Variants in HNRNPUL2 observed in about 807,000 individuals in gnomAD.
HNRNPUL2 encodes the protein heterogeneous nuclear ribonucleoprotein U-like protein 2.
HNRNPUL2 carries 27 observed loss-of-function variants against 102.2 expected under a neutral mutation model. The ratio of observed to expected loss-of-function variants is 0.26; its 90% CI spans 0.19 to 0.36. The LOEUF (loss-of-function observed/expected upper bound fraction) is 0.36. Among genes scored for constraint, HNRNPUL2 ranks in the 10% least tolerant of loss-of-function variants. HNRNPUL2 has a pLI of 1.00. For synonymous variants in HNRNPUL2, 458 were observed against 387.2 expected, an observed-to-expected ratio of 1.18 and a Z score of -2.15; for missense variants, 936 against 981.1, an observed-to-expected ratio of 0.95 and a Z score of 0.61.
Position 62,726,747 on chromosome 11 carries a change from C to T in HNRNPUL2, c.410G>A (p.Gly137Glu), listed in dbSNP as rs745511216. ...TTCGCCACCATTTACCCCGCCTGACCCGGCCGTGGCCTCCGCCGGCTTCTC... is the reference window on the plus strand; with the variant it reads ...TTCGCCACCATTTACCCCGCCTGACTCGGCCGTGGCCTCCGCCGGCTTCTC... ...ASEKPAEATAGSGGVNGGEEQ... is the reference protein window; with the variant it reads ...ASEKPAEATAESGGVNGGEEQ... Residue 137 changes from glycine to glutamate, a missense_variant, in exon 1 of 14, where the codon GGG (glycine) becomes GAG (glutamate). Coordinates refer to ENST00000301785, the MANE Select transcript of HNRNPUL2 (RefSeq NM_001079559.3). The T allele has an allele frequency of 4.9e-5, 79 of 1,601,100 alleles. 1 individual carries two copies. The South Asian group carries it at 8.1e-4, about 16-fold the overall frequency.
rs1178739948 is a variant in HNRNPUL2 at position 62,726,924 on chromosome 11, T to A, written c.233A>T (p.Asp78Val). The change falls in exon 1 of 14, where the codon GAC (aspartate) becomes GTC (valine). Residue 78 changes from aspartate (D) to valine (V), a missense_variant. Asp to Val is a radical substitution (Grantham distance 152). Transcript: ENST00000301785. ...GGGPGGDEEE[D>V]EEEEEEDEEA... ...CTCGTCCTCCTCCTCCTCCTCTTCG[T>A]CCTCCTCCTCGTCCCCGCCCGGGCC... The A allele has an allele frequency of 6.6e-7, 1 of 1,518,782 alleles. No homozygotes were observed. Among genetic ancestry groups the A allele is most frequent in the Admixed American group, 2.0e-5 (1 of 49,142 alleles). 94.1% of individuals were successfully genotyped at this position (1,518,782 alleles called of 1,614,324 possible).
Position 62,726,711 on chromosome 11 carries a change from A to T in HNRNPUL2, c.446T>A (p.Leu149His), listed in dbSNP as rs2083752241. ...GGVNGGEEQG[L>H]GKREEDEPEE... Reference sequence around the variant, plus strand: ...GGGTTCGTCTTCCTCCCTCTTGCCGAGGCCCTGCTCTTCGCCACCATTTAC... The same window carrying T: ...GGGTTCGTCTTCCTCCCTCTTGCCGTGGCCCTGCTCTTCGCCACCATTTAC... Residue 149 changes from leucine to histidine, a missense_variant, in exon 1 of 14, where the codon CTC becomes CAC. By Grantham distance (99) the Leu-to-His change is moderately conservative. Coordinates refer to ENST00000301785, the MANE Select transcript of HNRNPUL2 (RefSeq NM_001079559.3). The T allele has an allele frequency of 6.2e-7, 1 of 1,600,458 alleles. No individual in the cohort carries two copies. Among genetic ancestry groups the T allele is most frequent in the Non-Finnish European group, 8.5e-7 (1 of 1,179,534 alleles).
intron 10 of HNRNPUL2, among the ~76,000 whole-genome samples, chr11:62,718,923 T>A (rs2083680256): frequency 6.6e-6 from 1 of 151,554 alleles, no homozygotes; most frequent in Non-Finnish European, 1.5e-5. Flanking sequence ...CCACCTAGGT[T>A]CAAGCAATTC....
At chr11:62,716,026 G>T in intron 11 of HNRNPUL2, 89 bp from the exon 12 acceptor site, 1 of 972,616 alleles carries the variant, frequency 1.0e-6, no homozygotes, top group Non-Finnish European at 1.5e-6. Flanking sequence ...GGAGCCAAAG[G>T]CAATTCTGGG....
Position 62,721,162 on chromosome 11 carries a change from A to C in HNRNPUL2, c.1611+133T>G, listed in dbSNP as rs544364314. ...AAAACACTAATTAGGGGTACCTCTG[A>C]GTTCAAAAAACATTGCAACCATAAC... On this transcript the variant is annotated intron_variant, in intron 9 of 13. Transcript: ENST00000301785. 32 of 783,678 alleles carry C rather than the reference A, an allele frequency of 4.1e-5. 1 individual carries two copies. In the South Asian group the frequency reaches 5.7e-4, roughly 14 times the overall value. 48.5% of individuals were successfully genotyped at this position (783,678 alleles called of 1,614,324 possible). A position where few individuals can be genotyped will look rare whatever the true frequency, so the allele number is the denominator to read the frequency against.
intron 1 of HNRNPUL2, 48 bp downstream of exon 1, chr11:62,726,570 AG>A: frequency 6.8e-7 from 1 of 1,472,570 alleles, no homozygotes; most frequent in Non-Finnish European, 9.0e-7. Context: ...GTGCTAGATC[AG>A]GGGCGCAGCC....
chr11:62,721,163 G>T, intron 9 of HNRNPUL2, 132 bp downstream of exon 9: 3 of 818,002 alleles, frequency 3.7e-6, no homozygotes, highest in Non-Finnish European at 5.8e-6. Flanking sequence ...GTACCTCTGA[G>T]TTCAAAAAAC....
At position 62,722,922 on chromosome 11, in the gene HNRNPUL2, G is replaced by A. The variant is rs1192700386; in HGVS notation, c.892-19C>T. 6.3e-7 allele frequency: 1 copy of A among 1,598,380 alleles called. No individual in the cohort carries two copies. Among genetic ancestry groups the A allele is most frequent in the African/African-American group, 1.3e-5 (1 of 74,688 alleles). On this transcript the variant is annotated intron_variant, in intron 4 of 13. Transcript: ENST00000301785. ...GGGTTACCTGGCCAAGTCAGAAAGG[G>A]AACTATTAGATATTGTGACCAACTG...
At chr11:62,726,095 T>C (rs2083743344) in intron 1 of HNRNPUL2, among the ~76,000 whole-genome samples, 1 of 152,198 alleles carries the variant, frequency 6.6e-6, no homozygotes, top group African/African-American at 2.4e-5. Context: ...GGCTCTCCCT[T>C]ACAGCTCAAA....
rs1391367174 is a variant in HNRNPUL2 at position 62,722,259 on chromosome 11, T to C, written c.1217A>G (p.Lys406Arg). 7 of 1,614,166 alleles carry C rather than the reference T, an allele frequency of 4.3e-6. No homozygotes were observed. Among genetic ancestry groups the C allele is most frequent in the Non-Finnish European group, 5.1e-6 (6 of 1,180,028 alleles). ...GAAGTTTAATTCTACAACACAATTT[T>C]TGCAGAGGACATGGGGTAGAAGGGC... ...DRALLPHVLC[K>R]NCVVELNFGQ... is the part of the protein sequence containing the mutation. The change falls in exon 7 of 14, where the codon AAA (lysine) becomes AGA (arginine). Residue 406 changes from lysine to arginine, a missense_variant. Lys to Arg is a conservative substitution (Grantham distance 26). Around this residue, in one of 2 missense-constraint regions of HNRNPUL2, gnomAD observed 609 missense variants for 713.0 expected, o/e 0.85. Transcript: ENST00000301785.
At chr11:62,725,290 C>A (rs1037808189) in intron 1 of HNRNPUL2, among the ~76,000 whole-genome samples, 1 of 152,178 alleles carries the variant, frequency 6.6e-6, no homozygotes, top group Non-Finnish European at 1.5e-5. Context: ...CTCCGCCTCC[C>A]GGGTTCAAGC....
chr11:62,720,274 G>C, intron 9 of HNRNPUL2, 83 bp from the exon 10 acceptor site: 1 of 1,338,752 alleles, frequency 7.5e-7, no homozygotes, highest in Non-Finnish European at 1.1e-6. Flanking sequence ...AGCTGGGCAC[G>C]GTGGCTCACG....
At chr11:62,721,719 T>G (rs1378590271) in intron 8 of HNRNPUL2, 101 bp downstream of exon 8, 8 of 1,344,576 alleles carry the variant, frequency 5.9e-6, no homozygotes, top group Non-Finnish European at 8.2e-6. Context: ...TCTCTATTTC[T>G]GGGACCCTTG....
chr11:62,715,425 G>C, intron 13 of HNRNPUL2, 46 bp from the exon 14 acceptor site: 1 of 1,591,668 alleles, frequency 6.3e-7, no homozygotes, highest in Non-Finnish European at 8.6e-7. Context: ...AGCTGGCTGA[G>C]GATGAAGAGG....
rs753427650 is a variant in HNRNPUL2 at position 62,726,877 on chromosome 11, C to A, written c.280G>T (p.Asp94Tyr). ...EDEEALLEDE[D>Y]EEPPPAQALG... is the part of the protein sequence containing the mutation. The stretch of plus-strand genomic sequence containing the variant: ...GCTTGAGCAGGGGGTGGCTCCTCGT[C>A]CTCGTCCTCAAGCAGCGCCTCCTCG... The change falls in exon 1 of 14, where the codon GAC becomes TAC. Residue 94 changes from aspartate (D) to tyrosine (Y), a missense_variant. By Grantham distance (160) the Asp-to-Tyr change is radical (BLOSUM62 -3). This residue lies in a region of HNRNPUL2 where 327 missense variants were observed against 268.1 expected (regional missense o/e 1.22). Transcript: ENST00000301785. 1.3e-6 allele frequency: 2 copies of A among 1,580,646 alleles called. No individual in the cohort carries two copies. Among genetic ancestry groups the A allele is most frequent in the South Asian group, 2.3e-5 (2 of 88,656 alleles).
At chr11:62,717,993 C>T (rs7121731) in intron 10 of HNRNPUL2, among the ~76,000 whole-genome samples, 298 of 152,254 alleles carry the variant, frequency 2.0e-3, no homozygotes, top group African/African-American at 7.0e-3. Context: ...TTAGATGAAT[C>T]CAGTTGGCCC....
At chr11:62,720,708 C>CA (rs1362641808) in intron 9 of HNRNPUL2, among the ~76,000 whole-genome samples, 3 of 151,468 alleles carry the variant, frequency 2.0e-5, no homozygotes, top group African/African-American at 7.3e-5. Context: ...ACTAAAAATA[C>CA]AAAAAATTAG....
intron 1 of HNRNPUL2, among the ~76,000 whole-genome samples, 174 bp from the exon 2 acceptor site, chr11:62,724,600 T>G (rs1407103811): frequency 2.0e-5 from 3 of 152,146 alleles, no homozygotes; most frequent in Admixed American, 6.5e-5. Flanking sequence ...TGTCATTGGC[T>G]GTGATTTAAT....
Position 62,715,528 on chromosome 11 carries a change from C to G in HNRNPUL2, c.2135G>C (p.Arg712Thr). 1 of 1,612,726 alleles carries G rather than the reference C, an allele frequency of 6.2e-7. No individual in the cohort carries two copies. Among genetic ancestry groups the G allele is most frequent in the Non-Finnish European group, 8.5e-7 (1 of 1,178,922 alleles). ...CCGATTGTATTGTCTGTAATAGTCT[C>G]TGTATCTGTTGTACTCATAATCTCG... ...YGRDYEYNRYRDYYRQYNRDW... is the reference protein window; with the variant it reads ...YGRDYEYNRYTDYYRQYNRDW... The change falls in exon 13 of 14, where the codon AGA becomes ACA. Residue 712 changes from arginine to threonine, a missense_variant. Around this residue, in one of 2 missense-constraint regions of HNRNPUL2, gnomAD observed 609 missense variants for 713.0 expected, o/e 0.85. Transcript: ENST00000301785.
Sources: allele counts gnomAD v4.1 joint callset (sites outside exome capture counted in the v4.1 genomes callset), GRCh38; gene constraint gnomAD v4.1.1; regional missense constraint gnomAD v4.1.1; transcripts MANE v1.5; gene names NCBI Gene and HGNC (gene_info 2026-07-23, HGNC 2026-07-21).